Variants in SH3RF2 observed in about 807,000 individuals in gnomAD.
SH3RF2 encodes E3 ubiquitin-protein ligase SH3RF2.
SH3RF2 carries 43 observed loss-of-function variants against 59.0 expected under a neutral mutation model. The observed-to-expected ratio is 0.73, with a 90% CI of 0.57 to 0.94. The LOEUF (loss-of-function observed/expected upper bound fraction) is 0.94. Ranked by LOEUF, SH3RF2 falls within the 40% of genes least tolerant of loss-of-function variation. The pLI, the probability that SH3RF2 is intolerant of heterozygous loss-of-function variation, is 0.00. For missense variants in SH3RF2, 930 were observed against 940.1 expected (o/e 0.99, Z 0.14); for synonymous variants, 391 against 391.5 (o/e 1.00, Z 0.01).
chr5:146,065,036 A>C (rs1026800049), downstream of SH3RF2, among the ~76,000 whole-genome samples: 2 of 152,132 alleles, frequency 1.3e-5, no homozygotes, highest in African/African-American at 4.8e-5. Flanking sequence ...GACCTTAATA[A>C]AACAAAACAA....
At chr5:146,001,055 C>T (rs2159108) in intron 3 of SH3RF2, among the ~76,000 whole-genome samples, 86,631 of 152,074 alleles carry the variant, frequency 0.57, 25,235 homozygotes, top group South Asian at 0.79. Flanking sequence ...CATAATCGTG[C>T]CTTTCTACAT....
At chr5:145,969,015 G>T (rs1220903166) in intron 2 of SH3RF2, among the ~76,000 whole-genome samples, 1 of 151,970 alleles carries the variant, frequency 6.6e-6, no homozygotes, top group Non-Finnish European at 1.5e-5. Context: ...AGAACTCTTA[G>T]GAACAACCTG....
intron 2 of SH3RF2, among the ~76,000 whole-genome samples, chr5:145,970,740 G>A (rs180692585): frequency 6.6e-6 from 1 of 152,192 alleles, no homozygotes; most frequent in East Asian, 1.9e-4. Flanking sequence ...AAGACACCTA[G>A]TAAACTGAAA....
chr5:146,064,150 G>A (rs1008001364), downstream of SH3RF2, among the ~76,000 whole-genome samples: 13 of 152,132 alleles, frequency 8.5e-5, no homozygotes, highest in African/African-American at 3.1e-4. Context: ...GAAGGAGAAA[G>A]AGGAGGGGTT....
chr5:145,969,166 T>C (rs1382848776), intron 2 of SH3RF2, among the ~76,000 whole-genome samples: 1 of 152,180 alleles, frequency 6.6e-6, no homozygotes, highest in East Asian at 1.9e-4. Flanking sequence ...AACAAGTGTT[T>C]ATTAAAAGTT....
rs1761011157 is a variant in SH3RF2, at chr5:146,013,959, T to C, written c.957T>C (p.His319=). The change falls in exon 5 of 10, where the codon CAT becomes CAC. Residue 319 remains histidine (H), a synonymous_variant. Transcript: ENST00000359120. ...NRMVHSPSGR[H]MVEISTPVLI... is the part of the protein sequence containing the mutation. The stretch of plus-strand genomic sequence containing the variant: ...TGGTCCATTCTCCTTCAGGGCGCCA[T>C]ATGGTAGAGATCAGCACCCCAGTGC... The C allele has an allele frequency of 6.2e-7, 1 of 1,613,940 alleles. No individual in the cohort carries two copies. Among genetic ancestry groups the C allele is most frequent in the Non-Finnish European group, 8.5e-7 (1 of 1,180,006 alleles).
rs1473637614 is a variant in SH3RF2 at position 145,982,858 on chromosome 5, C to T, written c.379-17200C>T. Among the ~76,000 whole-genome samples the T allele has an allele frequency of 3.3e-5, 5 of 152,048 alleles. No individual in the cohort carries two copies. The South Asian group carries it at 6.2e-4, about 19-fold the overall frequency. On this transcript the variant is annotated intron_variant, in intron 2 of 9. Coordinates refer to ENST00000359120, the MANE Select transcript of SH3RF2 (RefSeq NM_152550.4). ...AAGCTGAGACCTAAAAGATAAGTAG[C>T]GATTGGGCAGGAGAGGGAGAGGGTG...
rs777013577 is a variant in SH3RF2 at position 146,049,081 on chromosome 5, A to T, written c.1158A>T (p.Val386=). ...GTTCTCTGTGTCTTCCCAGGTTTGT[A>T]GCCCTGCACTCCTACTCAGCCCATG... ...SQQHLSANMF[V]ALHSYSAHGP... Residue 386 remains valine, a synonymous_variant, in exon 7 of 10, where the codon GTA becomes GTT. Coordinates refer to ENST00000359120, the MANE Select transcript of SH3RF2 (RefSeq NM_152550.4). 1.2e-6 allele frequency: 2 copies of T among 1,613,846 alleles called. No individual in the cohort carries two copies. The highest frequency in any genetic ancestry group is 8.5e-7 in the Non-Finnish European group (1 of 1,179,966).
intron 2 of SH3RF2, among the ~76,000 whole-genome samples, chr5:145,995,501 C>CA (rs1239672850): frequency 6.6e-6 from 1 of 152,058 alleles, no homozygotes; most frequent in Admixed American, 6.6e-5. Context: ...ACACCTTCCC[C>CA]AAAAAAGTTA....
chr5:145,993,825 C>A (rs1022845313), intron 2 of SH3RF2, among the ~76,000 whole-genome samples: 4 of 152,086 alleles, frequency 2.6e-5, no homozygotes, highest in African/African-American at 9.7e-5. Context: ...CCACCACCCC[C>A]CTGTCGTCTT....
intron 2 of SH3RF2, among the ~76,000 whole-genome samples, chr5:145,998,446 T>C (rs1760257179): frequency 6.6e-6 from 1 of 152,178 alleles, no homozygotes; most frequent in African/African-American, 2.4e-5. Context: ...AAGATGTGTT[T>C]CCCTCTTTTT....
At chr5:145,961,971 G>T (rs535570077) in intron 2 of SH3RF2, among the ~76,000 whole-genome samples, 2 of 152,090 alleles carry the variant, frequency 1.3e-5, no homozygotes, top group African/African-American at 2.4e-5. Flanking sequence ...TCTACCTACC[G>T]CTTTCTTCAT....
chr5:145,939,842 G>GAT (rs2149937177), intron 2 of SH3RF2, among the ~76,000 whole-genome samples: 1 of 152,274 alleles, frequency 6.6e-6, no homozygotes, highest in African/African-American at 2.4e-5. Flanking sequence ...GCAGAAGTCT[G>GAT]ACCTGCCTTT....
chr5:146,013,442 T>C (rs1760984456), intron 4 of SH3RF2, among the ~76,000 whole-genome samples: 1 of 151,914 alleles, frequency 6.6e-6, no homozygotes, highest in East Asian at 1.9e-4. Context: ...CTGGGGAAAA[T>C]GGGTAAAGGA....
chr5:146,007,760 T>G (rs1021286178), intron 4 of SH3RF2, among the ~76,000 whole-genome samples: 1 of 152,214 alleles, frequency 6.6e-6, no homozygotes, highest in Admixed American at 6.5e-5. Flanking sequence ...AACTAGCCAG[T>G]GCTTCATTTG....
At chr5:145,979,517 C>G (rs1210943465) in intron 2 of SH3RF2, among the ~76,000 whole-genome samples, 2 of 152,196 alleles carry the variant, frequency 1.3e-5, no homozygotes, top group African/African-American at 2.4e-5. Context: ...TAGTGGTGTG[C>G]TGGTAAATGT....
chr5:146,078,265 C>T (rs747819127), intron 9 of SH3RF2, among the ~76,000 whole-genome samples: 7 of 152,158 alleles, frequency 4.6e-5, no homozygotes, highest in Non-Finnish European at 7.3e-5. Flanking sequence ...TTAACCAAAA[C>T]ACCAAAGTTA....
At chr5:146,070,672 C>G (rs1161401796) in intron 9 of SH3RF2, among the ~76,000 whole-genome samples, 1 of 152,150 alleles carries the variant, frequency 6.6e-6, no homozygotes, top group Non-Finnish European at 1.5e-5. Context: ...AAAATGACCC[C>G]CACTTCCATC....
intron 4 of SH3RF2, among the ~76,000 whole-genome samples, chr5:146,006,212 C>T (rs947272428): frequency 9.9e-5 from 15 of 152,030 alleles, no homozygotes; most frequent in African/African-American, 3.4e-4. Flanking sequence ...TACTTGAGCC[C>T]GAGAGATTGA....
Sources: allele counts gnomAD v4.1 joint callset (sites outside exome capture counted in the v4.1 genomes callset), GRCh38; gene constraint gnomAD v4.1.1; transcripts MANE v1.5; gene names NCBI Gene and HGNC (gene_info 2026-07-23, HGNC 2026-07-21).